The following AGBL1 variants were observed in gnomAD, a reference collection of about 807,000 sequenced individuals.
AGBL1 encodes the protein cytosolic carboxypeptidase 4.
Under a neutral mutation model 118.9 loss-of-function variants are expected in AGBL1, and 130 were observed. The ratio of observed to expected loss-of-function variants is 1.09; its 90% CI spans 0.95 to 1.26. The LOEUF (loss-of-function observed/expected upper bound fraction) is 1.26, where lower values mean the gene tolerates loss of function less well. Among genes scored for constraint, AGBL1 ranks in the 50% most tolerant of loss-of-function variants. AGBL1 has a pLI of 0.00. For synonymous variants in AGBL1, 555 were observed against 478.9 expected (o/e 1.16, Z -2.08); for missense variants, 1,584 against 1,298.1 (o/e 1.22, Z -3.38).
rs373082908 is a variant in AGBL1 at position 86,771,600 on chromosome 15, CTCTCA to C, written c.3158+97167_3158+97171del. On this transcript the variant is annotated intron_variant, in intron 22 of 22. Transcript: ENST00000614907. ...CCTGGTTTAGTATACCAATGCAGTA[CTCTCA>C]TCGCCTAAAATTTTTGGTCCACTGG... 3.5e-3 allele frequency among the ~76,000 whole-genome samples: 526 copies of C among 152,124 alleles called. 3 individuals carry two copies. Among genetic ancestry groups the C allele is most frequent in the African/African-American group, 0.012 (500 of 41,524 alleles).
intron 16 of AGBL1, among the ~76,000 whole-genome samples, chr15:86,293,754 A>G (rs955916177): frequency 5.3e-5 from 8 of 151,994 alleles, no homozygotes; most frequent in African/African-American, 1.9e-4. Flanking sequence ...CTTTCCATAT[A>G]TTTTATATAT....
intron 23 of AGBL1, among the ~76,000 whole-genome samples, chr15:86,969,001 GTT>G (rs1289719924): frequency 6.6e-6 from 1 of 151,874 alleles, no homozygotes; most frequent in Non-Finnish European, 1.5e-5. Context: ...TCACTTTAGG[GTT>G]AGATTTCAAC....
chr15:86,245,890 T>A (rs2078711961), intron 6 of AGBL1, among the ~76,000 whole-genome samples: 1 of 151,982 alleles, frequency 6.6e-6, no homozygotes, highest in South Asian at 2.1e-4. Context: ...TATTTTAATT[T>A]CTTTCTTTCT....
chr15:86,701,653 C>CCCTCT (rs1037350152), intron 22 of AGBL1, among the ~76,000 whole-genome samples: 2 of 147,404 alleles, frequency 1.4e-5, no homozygotes, highest in African/African-American at 5.0e-5. Context: ...CCCTCCCCTC[C>CCCTCT]CCTCTCCATT....
chr15:86,847,613 T>TG (rs1160779145), intron 22 of AGBL1, among the ~76,000 whole-genome samples: 3 of 152,222 alleles, frequency 2.0e-5, no homozygotes, highest in Non-Finnish European at 4.4e-5. Context: ...GAGGTTGCAC[T>TG]CAACCTCTCA....
intron 5 of AGBL1, among the ~76,000 whole-genome samples, chr15:86,182,067 G>C (rs574142174): frequency 6.6e-6 from 1 of 152,016 alleles, no homozygotes; most frequent in South Asian, 2.1e-4. Flanking sequence ...AGGGTTTTTT[G>C]AGCATAGAAT....
intron 21 of AGBL1, among the ~76,000 whole-genome samples, chr15:86,654,634 G>A (rs926682895): frequency 6.6e-6 from 1 of 152,118 alleles, no homozygotes; most frequent in African/African-American, 2.4e-5. Flanking sequence ...GAAAGAGGTG[G>A]ATGGCAGGTG....
At chr15:86,280,280 G>A (rs2079329746) in intron 16 of AGBL1, among the ~76,000 whole-genome samples, 1 of 152,180 alleles carries the variant, frequency 6.6e-6, no homozygotes, top group Non-Finnish European at 1.5e-5. Context: ...TGAGCTGGAG[G>A]TGGCTAGAAG....
intron 17 of AGBL1, among the ~76,000 whole-genome samples, chr15:86,341,971 A>G (rs951232894): frequency 2.6e-5 from 4 of 152,180 alleles, no homozygotes; most frequent in African/African-American, 9.7e-5. Flanking sequence ...TATTTCGTGA[A>G]CCCAGATGTT....
chr15:86,683,747 C>T (rs1012517437), intron 22 of AGBL1, among the ~76,000 whole-genome samples: 5 of 152,150 alleles, frequency 3.3e-5, no homozygotes, highest in Non-Finnish European at 7.3e-5. Flanking sequence ...GCAGCCCTTC[C>T]CAGCCCTTGT....
At chr15:86,127,712 G>A (rs1351315452) in intron 1 of AGBL1, among the ~76,000 whole-genome samples, 1 of 152,194 alleles carries the variant, frequency 6.6e-6, no homozygotes, top group African/African-American at 2.4e-5. Context: ...GCAGTTATGT[G>A]TGAACATGTG....
intron 22 of AGBL1, among the ~76,000 whole-genome samples, chr15:86,868,514 A>T (rs904032575): frequency 1.3e-5 from 2 of 152,246 alleles, no homozygotes; most frequent in African/African-American, 2.4e-5. Flanking sequence ...TGCACAAGGG[A>T]CACATTCAAC....
intron 21 of AGBL1, among the ~76,000 whole-genome samples, chr15:86,661,621 C>T (rs1399478213): frequency 6.6e-6 from 1 of 151,978 alleles, no homozygotes; most frequent in Admixed American, 6.6e-5. Flanking sequence ...AATTTACATG[C>T]AATAAGAGGA....
At chr15:86,801,154 C>A (rs1024872353) in intron 22 of AGBL1, among the ~76,000 whole-genome samples, 3 of 152,000 alleles carry the variant, frequency 2.0e-5, no homozygotes, top group African/African-American at 4.8e-5. Context: ...CAAACGTTGC[C>A]TTTTCCTGTA....
chr15:86,203,245 T>A (rs1350695631), intron 5 of AGBL1, among the ~76,000 whole-genome samples: 1 of 152,040 alleles, frequency 6.6e-6, no homozygotes, highest in African/African-American at 2.4e-5. Context: ...TTTTTGAAAA[T>A]CTAAGATCAA....
intron 17 of AGBL1, among the ~76,000 whole-genome samples, chr15:86,331,311 C>T (rs2080265779): frequency 6.6e-6 from 1 of 150,966 alleles, no homozygotes; most frequent in African/African-American, 2.4e-5. Flanking sequence ...GATAATAATT[C>T]TCTCCTCTTC....
At chr15:86,171,858 C>T (rs551010793) in intron 5 of AGBL1, among the ~76,000 whole-genome samples, 1 of 152,182 alleles carries the variant, frequency 6.6e-6, no homozygotes, top group African/African-American at 2.4e-5. Context: ...TACCACTTAG[C>T]CATAAAAAGA....
At chr15:86,885,229 T>A (rs543014067) in intron 22 of AGBL1, among the ~76,000 whole-genome samples, 1 of 152,180 alleles carries the variant, frequency 6.6e-6, no homozygotes, top group Non-Finnish European at 1.5e-5. Context: ...TAACATATTA[T>A]GCATTATCTT....
intron 22 of AGBL1, among the ~76,000 whole-genome samples, chr15:86,769,171 G>A (rs1039669453): frequency 1.7e-5 from 2 of 118,532 alleles, no homozygotes; most frequent in Non-Finnish European, 3.5e-5. Flanking sequence ...TTCTCATTTT[G>A]AGAGGGAGAG....
Sources: allele counts gnomAD v4.1 joint callset (sites outside exome capture counted in the v4.1 genomes callset), GRCh38; gene constraint gnomAD v4.1.1; transcripts MANE v1.5; gene names NCBI Gene and HGNC (gene_info 2026-07-23, HGNC 2026-07-21).